EPS15: variants seen among roughly 807,000 people sequenced by gnomAD.
The protein encoded by EPS15 is epidermal growth factor receptor substrate 15.
Under a neutral mutation model 113.8 loss-of-function variants are expected in EPS15, and 72 were observed. The observed-to-expected ratio is 0.63, with a 90% CI of 0.52 to 0.77. The LOEUF (loss-of-function observed/expected upper bound fraction) is 0.77. Ranked by LOEUF, EPS15 falls within the 30% of genes least tolerant of loss-of-function variation. The pLI is 0.00. For synonymous variants in EPS15, 344 were observed against 363.4 expected, an observed-to-expected ratio of 0.95 and a Z score of 0.61; for missense variants, 1,048 against 1,045.8, an observed-to-expected ratio of 1.00 and a Z score of -0.03.
chr1:51,373,005 G>A (rs7535155), intron 21 of EPS15: 6,884 of 265,930 alleles, frequency 0.026, 107 homozygotes, highest in African/African-American at 0.05. Context: ...CCTTGTACCT[G>A]AAGATCAACG....
intron 23 of EPS15, among the ~76,000 whole-genome samples, chr1:51,363,035 C>T (rs757571871): frequency 6.6e-6 from 1 of 152,114 alleles, no homozygotes; most frequent in Non-Finnish European, 1.5e-5. Flanking sequence ...CAGTGGCTCA[C>T]ACCTGTAATC....
At chr1:51,483,803 TAA>T (rs112681342) in intron 1 of EPS15, among the ~76,000 whole-genome samples, 12 of 134,522 alleles carry the variant, frequency 8.9e-5, no homozygotes, top group Non-Finnish European at 6.4e-5. Context: ...AGACTCCACC[TAA>T]AAAAAAAAAA....
intron 12 of EPS15, among the ~76,000 whole-genome samples, chr1:51,426,420 T>G (rs560506982): frequency 6.8e-5 from 10 of 147,184 alleles, no homozygotes; most frequent in African/African-American, 2.3e-4. Flanking sequence ...TTGGAACTGA[T>G]AAAAAGCTAG....
At chr1:51,390,186 A>G (rs1647228101) in intron 21 of EPS15, among the ~76,000 whole-genome samples, 1 of 152,196 alleles carries the variant, frequency 6.6e-6, no homozygotes, top group African/African-American at 2.4e-5. Flanking sequence ...CTGATCTTTG[A>G]CAAACCTGAG....
intron 2 of EPS15, among the ~76,000 whole-genome samples, chr1:51,474,910 CTA>C (rs1164063069): frequency 6.7e-6 from 1 of 150,212 alleles, no homozygotes; most frequent in Admixed American, 6.7e-5. Context: ...CAATTCCCAC[CTA>C]TGAGTGAGAA....
At chr1:51,421,968 C>G (rs1456601072) in intron 12 of EPS15, 110 bp from the exon 13 acceptor site, 2 of 1,462,268 alleles carry the variant, frequency 1.4e-6, no homozygotes, top group Non-Finnish European at 1.8e-6. Context: ...GTGAAACATT[C>G]AATTTTTAAA....
intron 12 of EPS15, among the ~76,000 whole-genome samples, chr1:51,430,977 TACACACACACACACACACACACAC>T (rs67920039): frequency 1.1e-4 from 14 of 122,086 alleles, no homozygotes; most frequent in South Asian, 2.8e-4. Context: ...ATTACTTACA[TACACACACACACACACACACACAC>T]ACACACACAC....
intron 16 of EPS15, among the ~76,000 whole-genome samples, chr1:51,404,463 C>T (rs189558703): frequency 1.6e-4 from 24 of 151,908 alleles, no homozygotes; most frequent in Admixed American, 1.5e-3. Context: ...CTGCCTTTTG[C>T]GCTTGAAAGA....
At position 51,514,377 on chromosome 1, in the gene EPS15, A is replaced by T. The variant is rs185673110; in HGVS notation, c.33+4822T>A. ...TTCCAGAGTACTGATTTTTTTTTTA[A>T]AAACTTTTATTTTAGGTTCAAGGGT... On this transcript the variant is annotated intron_variant, in intron 1 of 24. Coordinates refer to ENST00000371733, the MANE Select transcript of EPS15 (RefSeq NM_001981.3). Among the ~76,000 whole-genome samples the T allele has an allele frequency of 8.2e-3, 1,247 of 151,948 alleles. 11 individuals carry two copies. Among genetic ancestry groups the T allele is most frequent in the African/African-American group, 0.029 (1,188 of 41,430 alleles).
intron 21 of EPS15, among the ~76,000 whole-genome samples, chr1:51,371,934 T>C (rs776097113): frequency 6.6e-6 from 1 of 152,212 alleles, no homozygotes; most frequent in African/African-American, 2.4e-5. Context: ...ATACTTACCA[T>C]TGCGTTACAA....
At chr1:51,473,018 T>G (rs1655354255) in intron 2 of EPS15, 70 bp from the exon 3 acceptor site, 1 of 1,169,096 alleles carries the variant, frequency 8.6e-7, no homozygotes, top group Non-Finnish European at 1.3e-6. Flanking sequence ...TTACCTGCCT[T>G]CCATCCCTGT....
At chr1:51,464,736 C>G (rs1236304277) in intron 6 of EPS15, among the ~76,000 whole-genome samples, 1 of 152,132 alleles carries the variant, frequency 6.6e-6, no homozygotes, top group Non-Finnish European at 1.5e-5. Context: ...GCCCAGTCCA[C>G]AGCATACAAA....
intron 12 of EPS15, chr1:51,423,236 C>T (rs1650930932): frequency 3.1e-6 from 4 of 1,288,790 alleles, no homozygotes; most frequent in Middle Eastern, 2.1e-4. Context: ...CAATGTGGGT[C>T]GCGATGTTGT....
At chr1:51,462,398 G>T (rs1467676429) in intron 7 of EPS15, among the ~76,000 whole-genome samples, 2 of 151,664 alleles carry the variant, frequency 1.3e-5, no homozygotes, top group East Asian at 3.9e-4. Context: ...AGGGCAAGAG[G>T]TTTAAAGAGA....
rs188613170 is a variant in EPS15 at position 51,492,280 on chromosome 1, T to C, written c.34-10966A>G. On this transcript the variant is annotated intron_variant, in intron 1 of 24. Transcript: ENST00000371733. Reference sequence around the variant, plus strand: ...GCTTAAATTCTAGTAAAAATTGTAATGCTACCTTCTGCAAACACGCTAACA... The same window carrying C: ...GCTTAAATTCTAGTAAAAATTGTAACGCTACCTTCTGCAAACACGCTAACA... Among the ~76,000 whole-genome samples the C allele has an allele frequency of 3.7e-4, 57 of 152,290 alleles. 1 individual carries two copies. In the East Asian group the frequency reaches 0.011, roughly 29 times the overall value.
intron 8 of EPS15, among the ~76,000 whole-genome samples, chr1:51,460,186 A>C (rs1654336275): frequency 6.6e-6 from 1 of 152,184 alleles, no homozygotes; most frequent in East Asian, 1.9e-4. Flanking sequence ...TTGAAAGTAA[A>C]AGAAATTAGT....
At chr1:51,387,646 CA>C (rs1199684222) in intron 21 of EPS15, among the ~76,000 whole-genome samples, 1 of 151,442 alleles carries the variant, frequency 6.6e-6, no homozygotes, top group African/African-American at 2.4e-5. Context: ...AAATGGAAAA[CA>C]AAAAAAGGCA....
intron 24 of EPS15, among the ~76,000 whole-genome samples, chr1:51,359,847 C>G (rs1046157455): frequency 6.6e-6 from 1 of 151,960 alleles, no homozygotes; most frequent in African/African-American, 2.4e-5. Context: ...AGAGAAGCCA[C>G]CAGAACTTAG....
At chr1:51,371,367 C>T (rs571777778) in intron 21 of EPS15, among the ~76,000 whole-genome samples, 1 of 152,112 alleles carries the variant, frequency 6.6e-6, no homozygotes, top group Non-Finnish European at 1.5e-5. Context: ...CAAAGACCTT[C>T]CAGGGGGACA....
Sources: allele counts gnomAD v4.1 joint callset (sites outside exome capture counted in the v4.1 genomes callset), GRCh38; gene constraint gnomAD v4.1.1; transcripts MANE v1.5; gene names NCBI Gene and HGNC (gene_info 2026-07-23, HGNC 2026-07-21).